Variants in PHF19 observed in about 807,000 individuals in gnomAD.
PHF19 encodes the protein PHD finger protein 19.
In PHF19, 21 loss-of-function variants were observed where a neutral mutation model predicts 79.8. That is an observed-to-expected ratio of 0.26 (90% CI 0.19 to 0.38). The LOEUF is 0.38. Ranked by LOEUF, PHF19 falls within the 10% of genes least tolerant of loss-of-function variation. The pLI is 1.00. For synonymous variants in PHF19, 273 were observed against 296.3 expected, an observed-to-expected ratio of 0.92 and a Z score of 0.81; for missense variants, 445 against 744.2, an observed-to-expected ratio of 0.60 and a Z score of 4.68.
chr9:120,874,652 C>T lies in PHF19; in HGVS notation c.90G>A (p.Lys30=). The change falls in exon 2 of 15, where the codon AAG becomes AAA. Residue 30 remains lysine, a synonymous_variant. Transcript: ENST00000373896. This position sits in a 1 kb window ranked among gnomAD's most constrained non-coding sequence, Gnocchi z 4.5. ...TGGACATCAAGTCTTTGAAGTTGTT[C>T]TTGACCTTCGCCAGGGCCCCCTTGT... ...LPNKGALAKV[K]NNFKDLMSKL... 6.2e-7 allele frequency: 1 copy of T among 1,613,998 alleles called. No homozygotes were observed. Among genetic ancestry groups the T allele is most frequent in the Non-Finnish European group, 8.5e-7 (1 of 1,179,836 alleles).
the PHF19 span, chr9:120,904,101 C>T: frequency 6.6e-6 from 1 of 152,198 alleles, no homozygotes; most frequent in Non-Finnish European, 1.5e-5. Context: ...AAAGGTGGGG[C>T]CTCTAGGCAG....
rs552564633 is a variant in PHF19, at chr9:120,872,929, A to C, written c.268+1050T>G. On this transcript the variant is annotated intron_variant, in intron 3 of 14. Transcript: ENST00000373896. ...GAGCCACTGCGCCTGGCTGGTAACA[A>C]ATTCTTGAGTAACAGCTTCTCTAAA... is the stretch of plus-strand genomic sequence containing the variant. 3.3e-5 allele frequency among the ~76,000 whole-genome samples: 5 copies of C among 152,176 alleles called. No homozygotes were observed. In the South Asian group the frequency reaches 1.0e-3, roughly 32 times the overall value.
chr9:120,893,522 G>A (rs904156928), intron 1 of PHF19, among the ~76,000 whole-genome samples: 1 of 152,222 alleles, frequency 6.6e-6, no homozygotes, highest in Admixed American at 6.5e-5. Context: ...TCCCTTTCTG[G>A]AAGCCTCTGG....
Position 120,874,811 on chromosome 9 carries a change from A to T in PHF19, c.-15-55T>A. 1 of 1,215,086 alleles carries T rather than the reference A, an allele frequency of 8.2e-7. No homozygotes were observed. Among genetic ancestry groups the T allele is most frequent in the South Asian group, 1.3e-5 (1 of 75,546 alleles). 75.3% of individuals were successfully genotyped at this position (1,215,086 alleles called of 1,614,324 possible). A position where few individuals can be genotyped will look rare whatever the true frequency, so the allele number is the denominator to read the frequency against. ...CTTGCTTCCCTGCTTCAGAAAGCCC[A>T]TCAGGGGAAGGAAGGAAACCACCAT... On this transcript the variant is annotated intron_variant, in intron 1 of 14. Coordinates refer to ENST00000373896, the MANE Select transcript of PHF19 (RefSeq NM_015651.3). The surrounding 1 kb of genome is among the most constrained non-coding windows in gnomAD (Gnocchi z 4.5).
intron 3 of PHF19, among the ~76,000 whole-genome samples, chr9:120,872,161 G>C (rs762325457): frequency 6.6e-5 from 10 of 151,762 alleles, no homozygotes; most frequent in Non-Finnish European, 1.3e-4. Context: ...ATATGGCCAG[G>C]CAGGAACGTT....
exon 1 of PHF19, chr9:120,894,832 T>A: frequency 8.1e-7 from 1 of 1,229,292 alleles, no homozygotes. Flanking sequence ...ACCAGCATAG[T>A]GCAGGGCACG....
upstream of PHF19, chr9:120,877,295 AG>A (rs2046094659): frequency 1.0e-6 from 1 of 956,296 alleles, no homozygotes; most frequent in South Asian, 4.6e-5. Context: ...GCGCTCAGGA[AG>A]GGGCCCCCCG....
chr9:120,871,561 G>A (rs1288215436), intron 3 of PHF19, among the ~76,000 whole-genome samples: 1 of 152,136 alleles, frequency 6.6e-6, no homozygotes, highest in Non-Finnish European at 1.5e-5. Flanking sequence ...GTGACTGGCT[G>A]ATGTTTTTAA....
chr9:120,884,054 G>T lies in PHF19; in HGVS notation c.43-9298C>A, dbSNP rs538244468. ...AATATATGAAGTCTAGAACAAATGA[G>T]TTGCTCCCAGTCATTCTTTATAAAG... On this transcript the variant is annotated intron_variant, in intron 1 of 14. Transcript: ENST00000616568. Among the ~76,000 whole-genome samples the T allele has an allele frequency of 7.9e-5, 12 of 152,302 alleles. No individual in the cohort carries two copies. The South Asian group carries it at 2.5e-3, about 32-fold the overall frequency.
At chr9:120,888,563 CA>C (rs1281788772) in intron 1 of PHF19, among the ~76,000 whole-genome samples, 4 of 152,186 alleles carry the variant, frequency 2.6e-5, no homozygotes, top group African/African-American at 9.7e-5. Context: ...GTGTCCACAG[CA>C]CCAGGGGAGG....
intron 1 of PHF19, among the ~76,000 whole-genome samples, chr9:120,894,348 G>A (rs1042118581): frequency 2.6e-5 from 4 of 152,232 alleles, no homozygotes; most frequent in Non-Finnish European, 5.9e-5. Context: ...CTGAAACTTA[G>A]GCTAAGGCCC....
chr9:120,901,855 A>G, the PHF19 span, among the ~76,000 whole-genome samples: 19 of 152,192 alleles, frequency 1.2e-4, no homozygotes, highest in African/African-American at 4.6e-4. Context: ...AAAAGGTGTG[A>G]CTGAAGCACT....
At chr9:120,901,224 G>A in the PHF19 span, among the ~76,000 whole-genome samples, 5 of 151,928 alleles carry the variant, frequency 3.3e-5, no homozygotes, top group South Asian at 2.1e-4. Context: ...ACAGAGTCTC[G>A]CTCTGTCTCC....
chr9:120,887,338 C>T (rs2046279025), intron 1 of PHF19, among the ~76,000 whole-genome samples: 1 of 152,074 alleles, frequency 6.6e-6, no homozygotes, highest in South Asian at 2.1e-4. Context: ...CCTGTAATCC[C>T]AGCTACTTGC....
In PHF19 at chr9:120,862,022, G is replaced by A; in HGVS notation, c.1131-17C>T. On this transcript the variant is annotated splice_polypyrimidine_tract_variant and intron_variant, in intron 11 of 14. Coordinates refer to ENST00000373896, the MANE Select transcript of PHF19 (RefSeq NM_015651.3). This position sits in a 1 kb window ranked among gnomAD's most constrained non-coding sequence, Gnocchi z 4.6. ...GGCAACAAACTGTGGAGACAGAAGA[G>A]GGAGAAGGTGGCCCCGTCAGAGCCT... 6.3e-7 allele frequency: 1 copy of A among 1,595,032 alleles called. No homozygotes were observed. Among genetic ancestry groups the A allele is most frequent in the Non-Finnish European group, 8.6e-7 (1 of 1,162,576 alleles).
In PHF19 at chr9:120,869,099, G is replaced by A; in HGVS notation, c.614+83C>T. On this transcript the variant is annotated intron_variant, in intron 6 of 14. Coordinates refer to ENST00000373896, the MANE Select transcript of PHF19 (RefSeq NM_015651.3). The surrounding 1 kb of genome is among the most constrained non-coding windows in gnomAD (Gnocchi z 5.8). ...GGTCCCCGCCTTGGCTGACACGCCA[G>A]GCTCGCTCCCTATGGGCGGTCCCTG... 6 of 1,412,450 alleles carry A rather than the reference G, an allele frequency of 4.2e-6. No homozygotes were observed. The highest frequency in any genetic ancestry group is 5.7e-6 in the Non-Finnish European group (6 of 1,058,810). The allele number at this position is 1,412,450 out of a possible 1,614,324, so 87.5% of individuals were successfully genotyped here.
rs1035591896 is a variant in PHF19 at position 120,894,757 on chromosome 9, C to T, written c.42+31G>A. On this transcript the variant is annotated intron_variant, in intron 1 of 14. Transcript: ENST00000616568. ...GCGGCTCCCCAGCCTCGCGCCCGCCCCGCGGGTTCTTGTCGATCTCCCGGA... is the reference window on the plus strand; with the variant it reads ...GCGGCTCCCCAGCCTCGCGCCCGCCTCGCGGGTTCTTGTCGATCTCCCGGA... 1.7e-5 allele frequency: 20 copies of T among 1,205,640 alleles called. No individual in the cohort carries two copies. The African/African-American group carries it at 3.1e-4, about 19-fold the overall frequency. The allele number at this position is 1,205,640 out of a possible 1,614,324, so 74.7% of individuals were successfully genotyped here.
At chr9:120,897,028 A>G (rs2046408289), upstream of PHF19, among the ~76,000 whole-genome samples, 1 of 152,236 alleles carries the variant, frequency 6.6e-6, no homozygotes. Context: ...ACTTGCTTTC[A>G]AGCCCCAGCG....
At chr9:120,895,219 T>A (rs1269232791), upstream of PHF19, among the ~76,000 whole-genome samples, 4 of 152,078 alleles carry the variant, frequency 2.6e-5, no homozygotes, top group African/African-American at 9.7e-5. Flanking sequence ...TGCTGACACC[T>A]TAATGTACCC....
Sources: gnomAD v4.1 joint callset for allele counts (sites outside exome capture counted in the v4.1 genomes callset) on GRCh38, gnomAD v4.1.1 for gene constraint, Gnocchi (gnomAD v3.1) non-coding constraint, MANE v1.5 for transcripts, NCBI Gene and HGNC (gene_info 2026-07-23, HGNC 2026-07-21) for gene names.